TOP3A: variants seen among roughly 807,000 people sequenced by gnomAD.
TOP3A encodes DNA topoisomerase 3-alpha.
Under a neutral mutation model 111.3 loss-of-function variants are expected in TOP3A, and 64 were observed. That is an observed-to-expected ratio of 0.57 (90% CI 0.47 to 0.71). The LOEUF (loss-of-function observed/expected upper bound fraction) is 0.71. Among genes scored for constraint, TOP3A ranks in the 30% least tolerant of loss-of-function variants. The pLI is 0.00. For missense variants in TOP3A, 1,104 were observed against 1,285.0 expected (o/e 0.86, Z 2.15); for synonymous variants, 484 against 485.1 (o/e 1.00, Z 0.03).
intron 1 of TOP3A, among the ~76,000 whole-genome samples, chr17:18,314,283 T>C (rs1011439405): frequency 1.3e-5 from 2 of 152,110 alleles, no homozygotes; most frequent in Non-Finnish European, 2.9e-5. Flanking sequence ...AAATACACAC[T>C]TCCCCAGCCT....
At position 18,274,864 on chromosome 17, in the gene TOP3A, G is replaced by T. The variant is rs750453661; in HGVS notation, c.2944C>A (p.Arg982=). Residue 982 remains arginine (R), a synonymous_variant, in exon 19 of 19, where the codon CGG becomes AGG. Coordinates refer to ENST00000321105, the MANE Select transcript of TOP3A (RefSeq NM_004618.5). ...GGCTGGTGGCAAAGGCTGCATTTCC[G>T]GGGTTTCTTTGCTGTGGACCCCATG... ...SDMGSTAKKP[R]KCSLCHQPGH... 1.9e-6 allele frequency: 3 copies of T among 1,614,180 alleles called. No homozygotes were observed. Among genetic ancestry groups the T allele is most frequent in the Non-Finnish European group, 2.5e-6 (3 of 1,180,040 alleles).
intron 16 of TOP3A, 128 bp downstream of exon 16, chr17:18,282,570 C>T: frequency 3.8e-6 from 5 of 1,327,744 alleles, no homozygotes; most frequent in Non-Finnish European, 5.2e-6. Flanking sequence ...CAACACCTTG[C>T]CTGCAGGTTG....
In TOP3A at chr17:18,291,021, C is replaced by T; in HGVS notation, c.1288G>A (p.Glu430Lys). 6.2e-7 allele frequency: 1 copy of T among 1,613,976 alleles called. No homozygotes were observed. Among genetic ancestry groups the T allele is most frequent in the South Asian group, 1.1e-5 (1 of 91,060 alleles). The change falls in exon 12 of 19, where the codon GAA (glutamate) becomes AAA (lysine). Residue 430 changes from glutamate (E) to lysine (K), a missense_variant. By Grantham distance (56) the Glu-to-Lys change is moderately conservative. Transcript: ENST00000321105. Reference protein sequence around the residue: ...TKYTNNLQGDEQRLYEFIVRH... With the variant: ...TKYTNNLQGDKQRLYEFIVRH... The stretch of plus-strand genomic sequence containing the variant: ...ACAATAAACTCGTACAGTCGCTGTT[C>T]ATCTCCCTAGGAAGAAAAGAGGAGT...
intron 4 of TOP3A, among the ~76,000 whole-genome samples, chr17:18,305,493 C>CGTGCGCGCGCGT (rs1261795035): frequency 3.3e-5 from 5 of 150,202 alleles, no homozygotes; most frequent in African/African-American, 9.8e-5. Flanking sequence ...CACACGCGCG[C>CGTGCGCGCGCGT]GCGCGCGCGC....
intron 13 of TOP3A, among the ~76,000 whole-genome samples, chr17:18,288,067 A>T (rs1980218858): frequency 6.6e-6 from 1 of 151,122 alleles, no homozygotes; most frequent in Non-Finnish European, 1.5e-5. Flanking sequence ...GAATATGCTA[A>T]AAAATGTACA....
intron 15 of TOP3A, 100 bp from the exon 16 acceptor site, chr17:18,282,941 A>G (rs1979857529): frequency 1.3e-6 from 2 of 1,490,126 alleles, no homozygotes; most frequent in East Asian, 2.3e-5. Flanking sequence ...CTTGAGAACC[A>G]GCTGGTCAGT....
At chr17:18,310,321 G>A (rs1288577880) in intron 1 of TOP3A, among the ~76,000 whole-genome samples, 3 of 152,028 alleles carry the variant, frequency 2.0e-5, no homozygotes, top group East Asian at 1.9e-4. Flanking sequence ...AGCTACTTGG[G>A]AGGCTGAGGC....
chr17:18,276,035 G>A (rs1373976043), intron 18 of TOP3A, among the ~76,000 whole-genome samples: 1 of 152,160 alleles, frequency 6.6e-6, no homozygotes, highest in Non-Finnish European at 1.5e-5. Flanking sequence ...GTAAGGTTGA[G>A]GTGCGATGTG....
In TOP3A at chr17:18,287,305, G is replaced by A. The variant is rs148326075; in HGVS notation, c.1598-1785C>T. On this transcript the variant is annotated intron_variant, in intron 13 of 18. Coordinates refer to ENST00000321105, the MANE Select transcript of TOP3A (RefSeq NM_004618.5). ...TCCCAGCACTTTGGGAGACCGAGGC[G>A]GGTGGATCATTTGAGGTCAGGAATT... Among the ~76,000 whole-genome samples the A allele has an allele frequency of 1.2e-3, 175 of 152,146 alleles. 1 individual carries two copies. The Middle Eastern group carries it at 0.014, about 12-fold the overall frequency.
rs764720598 is a variant in TOP3A, at chr17:18,305,186, G to A, written c.425C>T (p.Ala142Val). The change falls in exon 5 of 19, where the codon GCT (alanine) becomes GTT (valine). Residue 142 changes from alanine to valine, a missense_variant. Physicochemically the swap from Ala to Val is moderately conservative, Grantham distance 64. Coordinates refer to ENST00000321105, the MANE Select transcript of TOP3A (RefSeq NM_004618.5). The part of the protein sequence containing the change: ...TLERETRQCQ[A>V]LVIWTDCDRE... ...ATCACAGTCAGTCCAGATCACCAGA[G>A]CCTGGCACTGGCGAGTCTCTCGTTC... 1.9e-6 allele frequency: 3 copies of A among 1,614,160 alleles called. No individual in the cohort carries two copies. The East Asian group carries it at 6.7e-5, about 36-fold the overall frequency.
intron 5 of TOP3A, among the ~76,000 whole-genome samples, chr17:18,304,486 A>G (rs1981435068): frequency 6.6e-6 from 1 of 152,226 alleles, no homozygotes; most frequent in African/African-American, 2.4e-5. Flanking sequence ...CCTCTGAGCC[A>G]GAGAATGGCC....
At chr17:18,280,816 G>A (rs1979713928) in intron 16 of TOP3A, among the ~76,000 whole-genome samples, 158 bp from the exon 17 acceptor site, 1 of 152,220 alleles carries the variant, frequency 6.6e-6, no homozygotes, top group Admixed American at 6.5e-5. Context: ...TGAATTGATT[G>A]GGAAAAATGA....
chr17:18,299,719 T>C, intron 8 of TOP3A, 86 bp from the exon 9 acceptor site: 1 of 1,274,204 alleles, frequency 7.8e-7, no homozygotes, highest in Middle Eastern at 1.8e-4. Flanking sequence ...CCAATCCTTC[T>C]AGATCACACT....
At chr17:18,295,908 C>T (rs1221874032) in intron 9 of TOP3A, among the ~76,000 whole-genome samples, 2 of 151,966 alleles carry the variant, frequency 1.3e-5, no homozygotes, top group East Asian at 3.9e-4. Context: ...GCTGGGACTA[C>T]AGGCACCTGC....
chr17:18,297,544 TGCGGACTGCCTGCGATTGCAGGC>T (rs1269508432), intron 9 of TOP3A, among the ~76,000 whole-genome samples: 1 of 152,170 alleles, frequency 6.6e-6, no homozygotes, highest in Non-Finnish European at 1.5e-5. Context: ...TGCCTCAGCC[TGCGGACTGCCTGCGATTGCAGGC>T]GCGCGCCGCC....
Position 18,302,331 on chromosome 17 carries a change from C to T in TOP3A, c.747G>A (p.Leu249=), listed in dbSNP as rs919014939. The T allele has an allele frequency of 2.5e-6, 4 of 1,613,252 alleles. No individual in the cohort carries two copies. Among genetic ancestry groups the T allele is most frequent in the Non-Finnish European group, 3.4e-6 (4 of 1,180,010 alleles). ...CTTTGAACCGCTCCACCACAAAGCC[C>T]AGTGTGGGGAACTGGCAGCTGCCGT... is the stretch of plus-strand genomic sequence containing the variant. ...ISYGSCQFPT[L]GFVVERFKAI... The change falls in exon 7 of 19, where the codon CTG becomes CTA. Residue 249 remains leucine, a synonymous_variant. Transcript: ENST00000321105.
At chr17:18,305,308 G>A in intron 4 of TOP3A, 88 bp from the exon 5 acceptor site, 1 of 1,079,684 alleles carries the variant, frequency 9.3e-7, no homozygotes, top group East Asian at 2.4e-5. Flanking sequence ...CTGACTGAAG[G>A]TTAATGCTGC....
At position 18,274,789 on chromosome 17, in the gene TOP3A, C is replaced by G. The variant is rs2142924209; in HGVS notation, c.*13G>C. The G allele has an allele frequency of 6.2e-7, 1 of 1,610,736 alleles. No homozygotes were observed. The highest frequency in any genetic ancestry group is 2.2e-5 in the East Asian group (1 of 44,790). Reference sequence around the variant, plus strand: ...AGGTCTGAGAAAGTGGCGTTCTCTACCCTACCCTGAGCTCATCTGTTCTGA... The same window carrying G: ...AGGTCTGAGAAAGTGGCGTTCTCTAGCCTACCCTGAGCTCATCTGTTCTGA... On this transcript the variant is annotated 3_prime_UTR_variant, in exon 19 of 19. Coordinates refer to ENST00000321105, the MANE Select transcript of TOP3A (RefSeq NM_004618.5).
At chr17:18,311,419 G>A (rs1981905054) in intron 1 of TOP3A, among the ~76,000 whole-genome samples, 1 of 152,088 alleles carries the variant, frequency 6.6e-6, no homozygotes, top group Admixed American at 6.6e-5. Flanking sequence ...TCAGCCTCGT[G>A]AGTAGCTGGG....
Sources: allele counts gnomAD v4.1 joint callset (sites outside exome capture counted in the v4.1 genomes callset), GRCh38; gene constraint gnomAD v4.1.1; transcripts MANE v1.5; gene names NCBI Gene and HGNC (gene_info 2026-07-23, HGNC 2026-07-21).